ENTPD1: variants seen among roughly 807,000 people sequenced by gnomAD.
ENTPD1 encodes the protein ectonucleoside triphosphate diphosphohydrolase 1, also known as ATP diphosphohydrolase.
Under a neutral mutation model 57.0 loss-of-function variants are expected in ENTPD1, and 33 were observed. The observed-to-expected ratio is 0.58, with a 90% CI of 0.44 to 0.77. The LOEUF is 0.77. ENTPD1 is among the 30% of genes least tolerant of loss of function. The pLI is 0.00. For missense variants in ENTPD1, 501 were observed against 603.4 expected, an observed-to-expected ratio of 0.83 and a Z score of 1.78; for synonymous variants, 202 against 218.8, an observed-to-expected ratio of 0.92 and a Z score of 0.68.
intron 1 of ENTPD1, among the ~76,000 whole-genome samples, chr10:95,811,120 A>G (rs1328021569): frequency 2.0e-5 from 3 of 152,222 alleles, no homozygotes; most frequent in African/African-American, 7.2e-5. Context: ...TCGCTTACAC[A>G]GATACATAAC....
intron 1 of ENTPD1, among the ~76,000 whole-genome samples, chr10:95,719,186 G>A (rs1026589240): frequency 1.3e-5 from 2 of 152,186 alleles, no homozygotes; most frequent in Non-Finnish European, 2.9e-5. Context: ...TCCTTACTTA[G>A]GTAAGCCATG....
chr10:95,803,393 T>C (rs983204363), intron 1 of ENTPD1, among the ~76,000 whole-genome samples: 9 of 152,214 alleles, frequency 5.9e-5, no homozygotes, highest in African/African-American at 2.2e-4. Flanking sequence ...TTTTAATAAT[T>C]GCCATTCTAA....
intron 1 of ENTPD1, among the ~76,000 whole-genome samples, chr10:95,803,200 T>A (rs2098257829): frequency 6.6e-6 from 1 of 152,188 alleles, no homozygotes; most frequent in South Asian, 2.1e-4. Flanking sequence ...CATGGAATGT[T>A]TTTCCATTTG....
At chr10:95,748,226 G>A (rs1439769849) in intron 1 of ENTPD1, among the ~76,000 whole-genome samples, 3 of 152,080 alleles carry the variant, frequency 2.0e-5, no homozygotes, top group Non-Finnish European at 4.4e-5. Context: ...TATTTTGTGA[G>A]TATCATCTTG....
At chr10:95,711,143 T>C (rs987591223), upstream of ENTPD1, among the ~76,000 whole-genome samples, 3 of 151,980 alleles carry the variant, frequency 2.0e-5, no homozygotes, top group African/African-American at 7.3e-5. Context: ...CCTAAAAATA[T>C]CACTTTAACT....
chr10:95,861,077 A>G (rs2098464492), intron 8 of ENTPD1, among the ~76,000 whole-genome samples: 1 of 152,252 alleles, frequency 6.6e-6, no homozygotes, highest in African/African-American at 2.4e-5. Context: ...CAGGTGCAGA[A>G]TTTTGTGACC....
chr10:95,738,206 T>C (rs1462991535), intron 1 of ENTPD1, among the ~76,000 whole-genome samples: 1 of 152,230 alleles, frequency 6.6e-6, no homozygotes, highest in African/African-American at 2.4e-5. Flanking sequence ...GACTGCTCAG[T>C]AGCCTCATAG....
At chr10:95,795,154 G>A (rs976101127) in intron 1 of ENTPD1, among the ~76,000 whole-genome samples, 1 of 152,080 alleles carries the variant, frequency 6.6e-6, no homozygotes, top group Non-Finnish European at 1.5e-5. Flanking sequence ...CATGATGATG[G>A]GACTAAGAAG....
intron 1 of ENTPD1, among the ~76,000 whole-genome samples, chr10:95,793,944 A>G (rs537975413): frequency 1.4e-4 from 22 of 152,378 alleles, no homozygotes; most frequent in African/African-American, 5.3e-4. Context: ...ACAGTGGTCA[A>G]TCCAATTAAT....
chr10:95,769,302 T>G (rs1336569323), intron 1 of ENTPD1, among the ~76,000 whole-genome samples: 1 of 152,192 alleles, frequency 6.6e-6, no homozygotes, highest in African/African-American at 2.4e-5. Context: ...TTCCTCAGCC[T>G]TTTTTTGGAT....
chr10:95,713,006 A>C (rs4244319), intron 1 of ENTPD1, among the ~76,000 whole-genome samples: 115,338 of 150,792 alleles, frequency 0.76, 44,953 homozygotes, highest in Middle Eastern at 0.85. Context: ...TGCACTCCAG[A>C]CTGGGCGACA....
rs1452827889 is a variant in ENTPD1 at position 95,866,260 on chromosome 10, A to G, written c.1410A>G (p.Thr470=). ...TCCCAGCTGAGCAACCATTGTCCAC[A>G]CCTCTCTCCCACTCCACCTATGTCT... ...NMIPAEQPLS[T]PLSHSTYVFL... is the part of the protein sequence containing the mutation. The change falls in exon 10 of 10, where the codon ACA becomes ACG. Residue 470 remains threonine (T), a synonymous_variant. Coordinates refer to ENST00000371205, the MANE Select transcript of ENTPD1 (RefSeq NM_001776.6). The G allele has an allele frequency of 1.9e-6, 3 of 1,613,912 alleles. No homozygotes were observed. The highest frequency in any genetic ancestry group is 2.5e-6 in the Non-Finnish European group (3 of 1,179,978).
intron 1 of ENTPD1, among the ~76,000 whole-genome samples, chr10:95,764,939 C>G (rs2098082671): frequency 1.3e-5 from 2 of 152,182 alleles, no homozygotes; most frequent in South Asian, 4.2e-4. Flanking sequence ...CCAGGCTGGT[C>G]TCGAACTCCT....
intron 1 of ENTPD1, among the ~76,000 whole-genome samples, chr10:95,742,565 G>T (rs142862388): frequency 2.2e-3 from 325 of 148,644 alleles, no homozygotes; most frequent in Non-Finnish European, 4.2e-3. Context: ...AGACCAATGG[G>T]AATATTGTGT....
At chr10:95,764,885 G>A (rs1372128532) in intron 1 of ENTPD1, among the ~76,000 whole-genome samples, 1 of 151,978 alleles carries the variant, frequency 6.6e-6, no homozygotes, top group Non-Finnish European at 1.5e-5. Flanking sequence ...ACCACACCCG[G>A]CTAATTTTGT....
chr10:95,867,669 T>TG lies in ENTPD1; in HGVS notation c.*1287dup. The TG allele has an allele frequency of 1.0e-6, 1 of 985,474 alleles. No individual in the cohort carries two copies. The highest frequency in any genetic ancestry group is 1.2e-6 in the Non-Finnish European group (1 of 829,960). 61.0% of individuals were successfully genotyped at this position (985,474 alleles called of 1,614,324 possible). A position where few individuals can be genotyped will look rare whatever the true frequency, so the allele number is the denominator to read the frequency against. ...TTACCATGGAAACATGAAGAGACCCTGCACCCCTTTCCTTAAGGATTGCTG... is the reference window on the plus strand; with the variant it reads ...TTACCATGGAAACATGAAGAGACCCTGGCACCCCTTTCCTTAAGGATTGCTG... On this transcript the variant is annotated 3_prime_UTR_variant, in exon 10 of 10. Coordinates refer to ENST00000371205, the MANE Select transcript of ENTPD1 (RefSeq NM_001776.6).
At chr10:95,717,654 C>T (rs755388718) in intron 1 of ENTPD1, among the ~76,000 whole-genome samples, 6 of 152,140 alleles carry the variant, frequency 3.9e-5, no homozygotes, top group African/African-American at 1.2e-4. Flanking sequence ...AATTCTTAGT[C>T]GGCCTAGGAA....
intron 1 of ENTPD1, among the ~76,000 whole-genome samples, chr10:95,760,811 A>ATCCTTTTTTTTTT (rs2098055399): frequency 2.1e-5 from 1 of 48,406 alleles, no homozygotes. Flanking sequence ...CATAGAGTTT[A>ATCCTTTTTTTTTT]TTCTTTTTTT....
chr10:95,732,123 C>T (rs562228696), intron 1 of ENTPD1, among the ~76,000 whole-genome samples: 10 of 151,990 alleles, frequency 6.6e-5, no homozygotes, highest in Non-Finnish European at 8.8e-5. Flanking sequence ...AGGCATGCTT[C>T]GAATACTATA....
Sources: gnomAD v4.1 joint callset for allele counts (sites outside exome capture counted in the v4.1 genomes callset) on GRCh38, gnomAD v4.1.1 for gene constraint, MANE v1.5 for transcripts, NCBI Gene and HGNC (gene_info 2026-07-23, HGNC 2026-07-21) for gene names.